Variants in USP34 observed in about 807,000 individuals in gnomAD.
USP34 encodes ubiquitin carboxyl-terminal hydrolase 34.
In USP34, 70 loss-of-function variants were observed where a neutral mutation model predicts 460.3. That is an observed-to-expected ratio of 0.15 (90% confidence interval 0.13 to 0.19). The LOEUF (loss-of-function observed/expected upper bound fraction) is 0.19. Ranked by LOEUF, USP34 falls within the 10% of genes least tolerant of loss-of-function variation. USP34 has a pLI of 1.00. For synonymous variants in USP34, 1,647 were observed against 1,405.3 expected, an observed-to-expected ratio of 1.17 and a Z score of -3.85; for missense variants, 3,985 against 4,236.2, an observed-to-expected ratio of 0.94 and a Z score of 1.65.
chr2:61,274,689 C>T (rs1021577894), intron 41 of USP34, among the ~76,000 whole-genome samples: 11 of 152,144 alleles, frequency 7.2e-5, no homozygotes, highest in African/African-American at 2.7e-4. Context: ...TAGAAATTAT[C>T]TAAACGTATA....
At chr2:61,448,432 AGAGT>A (rs1158342361) in intron 1 of USP34, among the ~76,000 whole-genome samples, 1 of 152,200 alleles carries the variant, frequency 6.6e-6, no homozygotes, top group Non-Finnish European at 1.5e-5. Flanking sequence ...CCCAGGAAAC[AGAGT>A]GAGTGAGGCC....
chr2:61,462,299 A>G (rs1212350926), intron 1 of USP34, among the ~76,000 whole-genome samples: 1 of 151,620 alleles, frequency 6.6e-6, no homozygotes, highest in African/African-American at 2.4e-5. Context: ...CTGTAATCCC[A>G]GCAGTTTGGG....
intron 34 of USP34, among the ~76,000 whole-genome samples, chr2:61,285,486 C>CAA (rs35055379): frequency 5.7e-4 from 62 of 108,468 alleles, no homozygotes; most frequent in African/African-American, 1.5e-3. Flanking sequence ...GAATCTGTCT[C>CAA]AAAAAAAAAA....
chr2:61,387,172 T>A (rs1165190114), intron 5 of USP34, among the ~76,000 whole-genome samples: 1 of 151,992 alleles, frequency 6.6e-6, no homozygotes, highest in African/African-American at 2.4e-5. Flanking sequence ...GTTAGAAATA[T>A]ATAACAGGCC....
intron 1 of USP34, among the ~76,000 whole-genome samples, chr2:61,464,549 C>A (rs1385314688): frequency 1.3e-5 from 2 of 151,456 alleles, no homozygotes; most frequent in Non-Finnish European, 3.0e-5. Flanking sequence ...AAACTATAAC[C>A]CACCAAACGA....
chr2:61,470,726 G>C lies in USP34; in HGVS notation c.-34C>G, dbSNP rs781699805. On this transcript the variant is annotated 5_prime_UTR_variant, in exon 1 of 80. Transcript: ENST00000398571. ...CGCCGCCCCCCCCCTCCCCCGCTTC[G>C]GATCACACTGACTGATCCCGACCGG... is the stretch of plus-strand genomic sequence containing the variant. The C allele has an allele frequency of 7.6e-6, 12 of 1,570,394 alleles. No homozygotes were observed. Among genetic ancestry groups the C allele is most frequent in the Non-Finnish European group, 1.0e-5 (12 of 1,154,256 alleles).
intron 41 of USP34, among the ~76,000 whole-genome samples, chr2:61,277,321 C>G (rs999433875): frequency 9.3e-5 from 14 of 151,120 alleles, no homozygotes; most frequent in Admixed American, 6.6e-5. Context: ...ACTGAAGCCT[C>G]GACCTCCTGA....
chr2:61,337,429 A>G (rs1047698167), intron 18 of USP34, among the ~76,000 whole-genome samples: 3 of 151,920 alleles, frequency 2.0e-5, no homozygotes, highest in African/African-American at 7.3e-5. Context: ...ATAGCTATGC[A>G]AAGAATACGT....
chr2:61,339,719 A>G, intron 16 of USP34, 38 bp from the exon 17 acceptor site: 1 of 1,148,336 alleles, frequency 8.7e-7, no homozygotes, highest in Non-Finnish European at 1.2e-6. Flanking sequence ...ACTATAGAGA[A>G]ATGCAGCTGA....
intron 58 of USP34, among the ~76,000 whole-genome samples, chr2:61,231,056 T>C (rs1003227943): frequency 2.0e-5 from 3 of 152,130 alleles, no homozygotes; most frequent in Admixed American, 6.6e-5. Context: ...ACAAACTATT[T>C]GGCAAAAAAA....
At chr2:61,194,286 T>A (rs773839911) in intron 75 of USP34, 12 of 985,240 alleles carry the variant, frequency 1.2e-5, no homozygotes, top group Non-Finnish European at 1.4e-5. Flanking sequence ...ATCTGGTTGG[T>A]GTTTGGCAGC....
intron 18 of USP34, among the ~76,000 whole-genome samples, chr2:61,336,638 C>T (rs1451147536): frequency 6.6e-6 from 1 of 151,484 alleles, no homozygotes; most frequent in Non-Finnish European, 1.5e-5. Context: ...GGCAAAACCC[C>T]ATCTCACCTA....
intron 30 of USP34, among the ~76,000 whole-genome samples, chr2:61,295,491 A>C (rs1572908410): frequency 6.6e-6 from 1 of 152,216 alleles, no homozygotes; most frequent in East Asian, 1.9e-4. Flanking sequence ...TTCTGAAAAT[A>C]AACCCAATAA....
At chr2:61,452,317 A>AC in intron 1 of USP34, among the ~76,000 whole-genome samples, 1 of 133,612 alleles carries the variant, frequency 7.5e-6, no homozygotes, top group African/African-American at 2.8e-5. Flanking sequence ...AATTCCCGGC[A>AC]CTTTTTTTTT....
intron 1 of USP34, among the ~76,000 whole-genome samples, chr2:61,421,158 A>C (rs1340605823): frequency 6.6e-6 from 1 of 152,126 alleles, no homozygotes; most frequent in African/African-American, 2.4e-5. Context: ...TCCTGTTAAG[A>C]TCTTGTTCTC....
chr2:61,283,466 C>G lies in USP34; in HGVS notation c.4833-17G>C. The stretch of plus-strand genomic sequence containing the variant: ...TTTAAAACTCTGTAAAGTAAAAACA[C>G]CACCACCACCAATTAAATTCAGCAA... On this transcript the variant is annotated splice_polypyrimidine_tract_variant and intron_variant, in intron 35 of 79. Transcript: ENST00000398571. The G allele has an allele frequency of 6.3e-7, 1 of 1,599,662 alleles. No individual in the cohort carries two copies. Among genetic ancestry groups the G allele is most frequent in the South Asian group, 1.1e-5 (1 of 88,994 alleles).
At chr2:61,366,273 G>A (rs1466464898) in intron 10 of USP34, among the ~76,000 whole-genome samples, 1 of 152,188 alleles carries the variant, frequency 6.6e-6, no homozygotes, top group Non-Finnish European at 1.5e-5. Context: ...GTAGCTCAGA[G>A]TAAGTTGTAA....
chr2:61,325,733 A>G (rs1355073800), intron 20 of USP34, among the ~76,000 whole-genome samples: 4 of 152,194 alleles, frequency 2.6e-5, no homozygotes, highest in African/African-American at 4.8e-5. Context: ...CAGAGGAAGT[A>G]TGTCATTTTA....
chr2:61,278,325 C>A, intron 40 of USP34, 40 bp from the exon 41 acceptor site: 5 of 1,609,996 alleles, frequency 3.1e-6, no homozygotes, highest in South Asian at 1.1e-5. Context: ...CAAGATAGTT[C>A]ACATAATTAT....
Sources: gnomAD v4.1 joint callset for allele counts (sites outside exome capture counted in the v4.1 genomes callset) on GRCh38, gnomAD v4.1.1 for gene constraint, MANE v1.5 for transcripts, NCBI Gene and HGNC (gene_info 2026-07-23, HGNC 2026-07-21) for gene names.